The following FNBP1L variants were observed in gnomAD, a reference collection of about 807,000 sequenced individuals.
FNBP1L encodes the protein formin-binding protein 1-like.
Under a neutral mutation model 91.2 loss-of-function variants are expected in FNBP1L, and 36 were observed. That is an observed-to-expected ratio of 0.39 (90% CI 0.30 to 0.52). FNBP1L has a LOEUF of 0.52. Ranked by LOEUF, FNBP1L falls within the 20% of genes least tolerant of loss-of-function variation. The probability of loss-of-function intolerance (pLI) is 0.66; values close to 1 mark genes in which losing one functional copy is unlikely to be tolerated. For synonymous variants in FNBP1L, 242 were observed against 237.0 expected (o/e 1.02, Z -0.19); for missense variants, 571 against 732.1 (o/e 0.78, Z 2.54).
chr1:93,465,938 A>C (rs1042817269), intron 1 of FNBP1L, among the ~76,000 whole-genome samples: 1 of 152,110 alleles, frequency 6.6e-6, no homozygotes, highest in African/African-American at 2.4e-5. Flanking sequence ...TTTGATTTGC[A>C]TTTCTCTGAT....
intron 1 of FNBP1L, among the ~76,000 whole-genome samples, chr1:93,459,839 C>T (rs375489313): frequency 5.3e-5 from 8 of 152,124 alleles, no homozygotes; most frequent in African/African-American, 1.7e-4. Context: ...TTTGTGTCCC[C>T]TCCAAAATAC....
At chr1:93,471,178 T>C (rs1669273086) in intron 1 of FNBP1L, among the ~76,000 whole-genome samples, 1 of 152,190 alleles carries the variant, frequency 6.6e-6, no homozygotes, top group South Asian at 2.1e-4. Context: ...TGGAATACTT[T>C]CATTTTATTT....
At chr1:93,551,357 T>C in intron 16 of FNBP1L, 1 of 1,146,698 alleles carries the variant, frequency 8.7e-7, no homozygotes, top group Non-Finnish European at 1.1e-6. Context: ...TTTTGCTTTA[T>C]GTCCCGCTTA....
intron 7 of FNBP1L, among the ~76,000 whole-genome samples, chr1:93,532,539 AG>A (rs1268093189): frequency 2.0e-5 from 3 of 151,010 alleles, no homozygotes; most frequent in African/African-American, 7.2e-5. Context: ...AAAAAAAAAA[AG>A]CACCAGAATT....
At chr1:93,534,545 G>A (rs1308841097) in intron 8 of FNBP1L, among the ~76,000 whole-genome samples, 160 bp from the exon 9 acceptor site, 4 of 151,980 alleles carry the variant, frequency 2.6e-5, no homozygotes, top group African/African-American at 7.3e-5. Context: ...CTTTGAGTTT[G>A]TTACACATTC....
At chr1:93,450,645 T>G (rs1668461967) in intron 1 of FNBP1L, among the ~76,000 whole-genome samples, 1 of 152,238 alleles carries the variant, frequency 6.6e-6, no homozygotes. Flanking sequence ...GCTCTTGCCA[T>G]TGAGGAATTT....
rs549258157 is a variant in FNBP1L at position 93,486,649 on chromosome 1, G to A, written c.25-12819G>A. Reference sequence around the variant, plus strand: ...TAAGTAAATCTCAACTATTGACCTTGCCTTCTGTTTTACTGAAAATAAACA... The same window carrying A: ...TAAGTAAATCTCAACTATTGACCTTACCTTCTGTTTTACTGAAAATAAACA... On this transcript the variant is annotated intron_variant, in intron 1 of 16. Transcript: ENST00000271234. 2.6e-5 allele frequency among the ~76,000 whole-genome samples: 4 copies of A among 152,178 alleles called. No individual in the cohort carries two copies. In the South Asian group the frequency reaches 8.3e-4, roughly 32 times the overall value.
At chr1:93,521,757 G>A (rs1410280642) in intron 2 of FNBP1L, among the ~76,000 whole-genome samples, 1 of 152,068 alleles carries the variant, frequency 6.6e-6, no homozygotes, top group Non-Finnish European at 1.5e-5. Flanking sequence ...TGGAACCCTG[G>A]AATACAGAGG....
intron 2 of FNBP1L, among the ~76,000 whole-genome samples, chr1:93,506,418 A>T (rs1054867432): frequency 6.6e-6 from 1 of 152,170 alleles, no homozygotes; most frequent in African/African-American, 2.4e-5. Context: ...TACAACTTTC[A>T]GAAAGGGATC....
At chr1:93,513,438 A>T (rs974611275) in intron 2 of FNBP1L, among the ~76,000 whole-genome samples, 1 of 152,118 alleles carries the variant, frequency 6.6e-6, no homozygotes, top group Non-Finnish European at 1.5e-5. Context: ...CATCATCCTG[A>T]TACCAAAGCC....
intron 2 of FNBP1L, among the ~76,000 whole-genome samples, chr1:93,506,708 A>C (rs909551086): frequency 1.1e-4 from 17 of 152,296 alleles, no homozygotes; most frequent in African/African-American, 3.8e-4. Context: ...CAGTCTTTTA[A>C]GATTTTTGAG....
rs769697743 is a variant in FNBP1L at position 93,524,339 on chromosome 1, T to C, written c.405+16T>C. On this transcript the variant is annotated intron_variant, in intron 5 of 16. Transcript: ENST00000271234. Reference sequence around the variant, plus strand: ...GATGGATAATGTGAGTTATGACATTTTCATGGTTAACATAAAATCTTGTAG... The same window carrying C: ...GATGGATAATGTGAGTTATGACATTCTCATGGTTAACATAAAATCTTGTAG... 4.7e-6 allele frequency: 7 copies of C among 1,477,000 alleles called. No homozygotes were observed. Among genetic ancestry groups the C allele is most frequent in the Non-Finnish European group, 6.3e-6 (7 of 1,113,024 alleles). The allele number at this position is 1,477,000 out of a possible 1,614,324, so 91.5% of individuals were successfully genotyped here.
At chr1:93,517,117 G>A (rs2101745626) in intron 2 of FNBP1L, among the ~76,000 whole-genome samples, 1 of 147,300 alleles carries the variant, frequency 6.8e-6, no homozygotes. Context: ...TCAGCTCACT[G>A]CATGCAACCT....
At chr1:93,512,679 A>G (rs1670902994) in intron 2 of FNBP1L, among the ~76,000 whole-genome samples, 2 of 150,416 alleles carry the variant, frequency 1.3e-5, no homozygotes, top group South Asian at 2.1e-4. Context: ...ACTACTGGGT[A>G]CATAACGAAA....
chr1:93,520,526 A>C (rs2101748712), intron 2 of FNBP1L, among the ~76,000 whole-genome samples: 1 of 152,336 alleles, frequency 6.6e-6, no homozygotes, highest in East Asian at 1.9e-4. Flanking sequence ...GATTCAAAAG[A>C]AATACAATTA....
intron 2 of FNBP1L, among the ~76,000 whole-genome samples, chr1:93,511,792 C>A (rs1670854839): frequency 6.6e-6 from 1 of 151,584 alleles, no homozygotes; most frequent in Non-Finnish European, 1.5e-5. Flanking sequence ...CGGTGAAACC[C>A]CGTCTCTACT....
chr1:93,453,373 ACTCCATTTACTTCCATTT>A (rs1449498097), intron 1 of FNBP1L, among the ~76,000 whole-genome samples: 3 of 151,944 alleles, frequency 2.0e-5, no homozygotes, highest in Non-Finnish European at 4.4e-5. Flanking sequence ...AGCCACTCAT[ACTCCATTTACTTCCATTT>A]GCTTGCTTTC....
intron 1 of FNBP1L, among the ~76,000 whole-genome samples, chr1:93,489,681 C>A (rs896627795): frequency 9.2e-5 from 14 of 151,866 alleles, no homozygotes; most frequent in Non-Finnish European, 1.3e-4. Context: ...CCCAAATATG[C>A]GAGTTTTCCC....
intron 1 of FNBP1L, among the ~76,000 whole-genome samples, chr1:93,483,532 T>G (rs945321769): frequency 2.0e-5 from 3 of 152,334 alleles, no homozygotes; most frequent in Admixed American, 6.5e-5. Flanking sequence ...TATATGAAAT[T>G]GACTACATTA....
Sources: allele counts gnomAD v4.1 joint callset (sites outside exome capture counted in the v4.1 genomes callset), GRCh38; gene constraint gnomAD v4.1.1; transcripts MANE v1.5; gene names NCBI Gene and HGNC (gene_info 2026-07-23, HGNC 2026-07-21).